Variants in AFF3 observed in about 807,000 individuals in gnomAD.
AFF3 encodes ALF transcription elongation factor 3, also known as AF4/FMR2 family member 3.
AFF3 carries 32 observed loss-of-function variants against 129.7 expected under a neutral mutation model. The ratio of observed to expected loss-of-function variants is 0.25; its 90% CI spans 0.19 to 0.33. The LOEUF (loss-of-function observed/expected upper bound fraction) is 0.33, where lower values mean the gene tolerates loss of function less well. AFF3 is among the 10% of genes least tolerant of loss of function. The pLI, the probability that AFF3 is intolerant of heterozygous loss-of-function variation, is 1.00. For missense variants in AFF3, 1,373 were observed against 1,592.0 expected (o/e 0.86, Z 2.34); for synonymous variants, 644 against 635.4 (o/e 1.01, Z -0.20).
chr2:99,600,308 G>A (rs1475368097), intron 14 of AFF3, among the ~76,000 whole-genome samples: 3 of 152,030 alleles, frequency 2.0e-5, no homozygotes, highest in Non-Finnish European at 2.9e-5. Context: ...GAAACAAAAT[G>A]TCCCTGATTT....
intron 7 of AFF3, among the ~76,000 whole-genome samples, chr2:99,920,669 C>A (rs1695797011): frequency 6.6e-6 from 1 of 151,728 alleles, no homozygotes. Context: ...TATCTTTATT[C>A]AACATTGTAT....
chr2:99,921,543 GT>G (rs1377289498), intron 7 of AFF3, among the ~76,000 whole-genome samples: 3 of 152,094 alleles, frequency 2.0e-5, no homozygotes, highest in Non-Finnish European at 4.4e-5. Context: ...CATGTAAAAT[GT>G]TAACATCAAG....
At chr2:100,118,609 G>A (rs940748347) in intron 2 of AFF3, among the ~76,000 whole-genome samples, 1 of 152,030 alleles carries the variant, frequency 6.6e-6, no homozygotes, top group African/African-American at 2.4e-5. Context: ...GATTGAAAAT[G>A]GTTATAATGA....
chr2:100,026,932 A>C (rs957984322), intron 4 of AFF3, among the ~76,000 whole-genome samples: 1 of 150,906 alleles, frequency 6.6e-6, no homozygotes, highest in South Asian at 2.1e-4. Context: ...ACTTGGGGGG[A>C]AGGGTGGGAG....
intron 22 of AFF3, among the ~76,000 whole-genome samples, chr2:99,557,273 G>A (rs1024488596): frequency 6.9e-6 from 1 of 143,964 alleles, no homozygotes; most frequent in African/African-American, 2.6e-5. Flanking sequence ...TTCTGGTTGT[G>A]TTTTCCTTTT....
chr2:100,011,169 G>A (rs1682504740), intron 4 of AFF3, among the ~76,000 whole-genome samples: 1 of 152,156 alleles, frequency 6.6e-6, no homozygotes, highest in Admixed American at 6.5e-5. Context: ...AGCTACTCGG[G>A]AGGCTGAGGC....
At chr2:99,747,153 C>G (rs866335017) in intron 9 of AFF3, among the ~76,000 whole-genome samples, 1 of 151,762 alleles carries the variant, frequency 6.6e-6, no homozygotes, top group Non-Finnish European at 1.5e-5. Flanking sequence ...CTCAGCATCC[C>G]GAGTAGCTGG....
intron 14 of AFF3, among the ~76,000 whole-genome samples, chr2:99,595,254 A>G (rs1009325695): frequency 3.3e-5 from 5 of 152,248 alleles, no homozygotes; most frequent in Admixed American, 6.5e-5. Flanking sequence ...ATCCAGCATT[A>G]TGATAATTAA....
At chr2:99,818,063 G>A (rs1687379641) in intron 8 of AFF3, among the ~76,000 whole-genome samples, 1 of 152,092 alleles carries the variant, frequency 6.6e-6, no homozygotes, top group South Asian at 2.1e-4. Flanking sequence ...TAATTTAAAA[G>A]TAATATACCC....
At chr2:100,061,958 A>G (rs948624199) in intron 4 of AFF3, among the ~76,000 whole-genome samples, 2 of 151,942 alleles carry the variant, frequency 1.3e-5, no homozygotes, top group Non-Finnish European at 2.9e-5. Context: ...GGCCTGCTGG[A>G]CTGGCAGCTG....
rs140043824 is a variant in AFF3 at position 99,609,777 on chromosome 2, A to G, written c.1185-8156T>C. ...GTTAAATCTTATGTAACTACAGTAC[A>G]ATACCAAAACCAGAAAACTGACAAT... On this transcript the variant is annotated intron_variant, in intron 13 of 24. Coordinates refer to ENST00000672756, the MANE Select transcript of AFF3 (RefSeq NM_001386135.1). 1.1e-4 allele frequency among the ~76,000 whole-genome samples: 17 copies of G among 152,350 alleles called. 1 individual carries two copies. Among genetic ancestry groups the G allele is most frequent in the African/African-American group, 3.8e-4 (16 of 41,592 alleles).
intron 7 of AFF3, among the ~76,000 whole-genome samples, chr2:100,005,569 T>G (rs1487388749): frequency 1.3e-5 from 2 of 152,274 alleles, no homozygotes; most frequent in African/African-American, 2.4e-5. Context: ...AATTACATTT[T>G]GCTTCCATTA....
At chr2:99,654,864 A>AT (rs1163541914) in intron 12 of AFF3, among the ~76,000 whole-genome samples, 1 of 152,160 alleles carries the variant, frequency 6.6e-6, no homozygotes, top group African/African-American at 2.4e-5. Context: ...CAATCAGTAG[A>AT]TATTCAGGTT....
intron 10 of AFF3, among the ~76,000 whole-genome samples, chr2:99,737,433 G>C (rs1342297544): frequency 1.0e-5 from 1 of 100,190 alleles, no homozygotes; most frequent in Non-Finnish European, 2.2e-5. Context: ...AAAATGTCTT[G>C]ACTCATTAAA....
intron 8 of AFF3, among the ~76,000 whole-genome samples, chr2:99,802,160 T>C (rs1000764275): frequency 2.6e-5 from 4 of 152,228 alleles, no homozygotes; most frequent in Non-Finnish European, 5.9e-5. Context: ...CTAAAAGTCA[T>C]TTTAACTAAA....
At chr2:99,817,678 T>C (rs1336809221) in intron 8 of AFF3, among the ~76,000 whole-genome samples, 2 of 152,202 alleles carry the variant, frequency 1.3e-5, no homozygotes, top group Non-Finnish European at 2.9e-5. Context: ...CATGCCACGG[T>C]GCCCAGCCTG....
intron 1 of AFF3, among the ~76,000 whole-genome samples, chr2:100,140,043 T>TCATTTC (rs1161982705): frequency 6.6e-6 from 1 of 152,238 alleles, no homozygotes; most frequent in African/African-American, 2.4e-5. Flanking sequence ...TTTATACTTT[T>TCATTTC]CATTTCCATT....
chr2:99,726,980 C>T, intron 11 of AFF3, 97 bp downstream of exon 11: 2 of 1,094,132 alleles, frequency 1.8e-6, no homozygotes, highest in Non-Finnish European at 1.3e-6. Flanking sequence ...GGCTTCCTTC[C>T]ATCATCATTA....
chr2:99,998,778 C>A (rs576208598), intron 7 of AFF3, among the ~76,000 whole-genome samples: 2 of 152,190 alleles, frequency 1.3e-5, no homozygotes, highest in South Asian at 4.2e-4. Flanking sequence ...AACGAGGAAT[C>A]GTGACAGAAA....
Sources: gnomAD v4.1 joint callset for allele counts (sites outside exome capture counted in the v4.1 genomes callset) on GRCh38, gnomAD v4.1.1 for gene constraint, MANE v1.5 for transcripts, NCBI Gene and HGNC (gene_info 2026-07-23, HGNC 2026-07-21) for gene names.